The following GALNT14 variants were observed in gnomAD, a reference collection of about 807,000 sequenced individuals.
GALNT14 encodes the protein UDP-GalNAc:polypeptide N-acetylgalactosaminyltransferase 14.
Under a neutral mutation model 77.5 loss-of-function variants are expected in GALNT14, and 60 were observed. The ratio of observed to expected loss-of-function variants is 0.77; its 90% CI spans 0.63 to 0.96. The LOEUF is 0.96. Among genes scored for constraint, GALNT14 ranks in the 40% least tolerant of loss-of-function variants. GALNT14 has a pLI of 0.00. For missense variants in GALNT14, 710 were observed against 731.0 expected, an observed-to-expected ratio of 0.97 and a Z score of 0.33; for synonymous variants, 280 against 281.7, an observed-to-expected ratio of 0.99 and a Z score of 0.06.
the GALNT14 span, among the ~76,000 whole-genome samples, chr2:30,897,668 G>A: frequency 2.6e-5 from 4 of 152,298 alleles, no homozygotes; most frequent in Admixed American, 1.3e-4. Context: ...CACACACTGC[G>A]CATGGCGTAG....
At chr2:30,905,453 G>A in the GALNT14 span, among the ~76,000 whole-genome samples, 22 of 152,222 alleles carry the variant, frequency 1.4e-4, no homozygotes, top group Admixed American at 9.8e-4. Flanking sequence ...CTGGAAGAAA[G>A]GGTATCAGCG....
chr2:30,945,758 GGGA>G, intron 7 of GALNT14, 22 bp downstream of exon 7: 1 of 1,566,642 alleles, frequency 6.4e-7, no homozygotes, highest in Non-Finnish European at 8.8e-7. Context: ...ATCCTTACTG[GGGA>G]GGAGGTGTTA....
rs10562223 is a variant in GALNT14 at position 31,027,886 on chromosome 2, C to CTGTGTG, written c.130-34885_130-34880dup. 5.6e-3 allele frequency among the ~76,000 whole-genome samples: 800 copies of CTGTGTG among 141,860 alleles called. 6 individuals are homozygous for CTGTGTG. The highest frequency in any genetic ancestry group is 0.02 in the African/African-American group (753 of 38,478). The allele number at this position is 141,860 out of a possible 152,430, so 93.1% of individuals were successfully genotyped here. A position where few individuals can be genotyped will look rare whatever the true frequency, so the allele number is the denominator to read the frequency against. Reference sequence around the variant, plus strand: ...TACTCTAAGAGGGCCCAGATGTATTCTGTGTGTGTGTGTGTGTGTGTGTGT... The same window carrying CTGTGTG: ...TACTCTAAGAGGGCCCAGATGTATTCTGTGTGTGTGTGTGTGTGTGTGTGTGTGTGT... On this transcript the variant is annotated intron_variant, in intron 1 of 14. Coordinates refer to ENST00000349752, the MANE Select transcript of GALNT14 (RefSeq NM_024572.4).
chr2:31,037,062 T>C (rs1161576901), intron 1 of GALNT14, among the ~76,000 whole-genome samples: 1 of 152,196 alleles, frequency 6.6e-6, no homozygotes, highest in East Asian at 1.9e-4. Flanking sequence ...CTATTATTTC[T>C]TCAAGCATGT....
chr2:31,007,889 C>T (rs1573145366), intron 1 of GALNT14, among the ~76,000 whole-genome samples: 1 of 152,196 alleles, frequency 6.6e-6, no homozygotes, highest in East Asian at 1.9e-4. Flanking sequence ...ACCCCTTTGC[C>T]TCTGCCTTCC....
the GALNT14 span, among the ~76,000 whole-genome samples, chr2:30,896,144 T>C: frequency 6.6e-6 from 1 of 152,168 alleles, no homozygotes; most frequent in Admixed American, 6.5e-5. Flanking sequence ...TGGCATGTAA[T>C]AGCAGCTCAC....
the GALNT14 span, among the ~76,000 whole-genome samples, chr2:30,904,902 C>A: frequency 8.1e-3 from 1,223 of 151,922 alleles, 27 homozygotes; most frequent in African/African-American, 0.028. Context: ...GGTCCCTGAC[C>A]CCTGACCCCT....
At chr2:31,068,887 A>T (rs1675163433) in intron 1 of GALNT14, among the ~76,000 whole-genome samples, 1 of 152,238 alleles carries the variant, frequency 6.6e-6, no homozygotes. Context: ...TAAATGAAAG[A>T]GGCCAGCCGC....
chr2:31,116,759 AT>A (rs527715584), intron 1 of GALNT14, among the ~76,000 whole-genome samples: 2,215 of 152,262 alleles, frequency 0.015, 50 homozygotes, highest in African/African-American at 0.051. Flanking sequence ...AATAAAGAAT[AT>A]TTGGCCAGGC....
intron 1 of GALNT14, among the ~76,000 whole-genome samples, chr2:31,106,187 CA>C (rs1481767940): frequency 6.6e-6 from 1 of 152,172 alleles, no homozygotes; most frequent in African/African-American, 2.4e-5. Context: ...GCCCAACACC[CA>C]AATTCGTGCT....
At chr2:30,904,409 G>A in the GALNT14 span, among the ~76,000 whole-genome samples, 1 of 152,334 alleles carries the variant, frequency 6.6e-6, no homozygotes, top group Middle Eastern at 3.4e-3. Flanking sequence ...AAGCGCAAGG[G>A]TTCAGGGAGT....
intron 1 of GALNT14, chr2:31,078,831 A>T (rs1420028439): frequency 2.0e-6 from 2 of 1,012,824 alleles, no homozygotes; most frequent in African/African-American, 3.3e-5. Flanking sequence ...GGGGCGAGAT[A>T]TAGGCCTGGG....
chr2:31,083,047 TCTA>T (rs1180259200), intron 1 of GALNT14, among the ~76,000 whole-genome samples: 5 of 151,966 alleles, frequency 3.3e-5, no homozygotes, highest in African/African-American at 9.7e-5. Context: ...AACAAAGAAA[TCTA>T]CTACTATTAA....
chr2:30,953,799 T>G (rs1667188332), intron 6 of GALNT14, among the ~76,000 whole-genome samples: 1 of 152,112 alleles, frequency 6.6e-6, no homozygotes, highest in Non-Finnish European at 1.5e-5. Flanking sequence ...CCAAAATAGG[T>G]GCTCAGGAAA....
chr2:30,950,175 T>C (rs376229759), intron 6 of GALNT14, among the ~76,000 whole-genome samples: 8 of 152,328 alleles, frequency 5.3e-5, no homozygotes, highest in East Asian at 3.9e-4. Context: ...ATGATTTATA[T>C]AAATTTACCA....
chr2:31,103,700 G>T (rs541814237), intron 1 of GALNT14, among the ~76,000 whole-genome samples: 2 of 152,230 alleles, frequency 1.3e-5, no homozygotes, highest in East Asian at 1.9e-4. Flanking sequence ...GGCATTCAGA[G>T]AACTTCCTTT....
At chr2:31,072,300 CACAT>C (rs148904663) in intron 1 of GALNT14, among the ~76,000 whole-genome samples, 1,038 of 41,764 alleles carry the variant, frequency 0.025, 13 homozygotes, top group African/African-American at 0.078. Context: ...CACACACACA[CACAT>C]ACACACACAC....
chr2:30,905,226 G>C, the GALNT14 span, among the ~76,000 whole-genome samples: 1 of 152,214 alleles, frequency 6.6e-6, no homozygotes, highest in African/African-American at 2.4e-5. Flanking sequence ...ACTTTGACGA[G>C]CTGAGAGAAG....
chr2:30,932,038 CCCA>C, intron 10 of GALNT14, 27 bp downstream of exon 10: 2 of 1,469,470 alleles, frequency 1.4e-6, no homozygotes, highest in Middle Eastern at 3.6e-4. Context: ...TGTGCTGCTG[CCCA>C]CCCGCGCTGA....
Sources: allele counts gnomAD v4.1 joint callset (sites outside exome capture counted in the v4.1 genomes callset), GRCh38; gene constraint gnomAD v4.1.1; transcripts MANE v1.5; gene names NCBI Gene and HGNC (gene_info 2026-07-23, HGNC 2026-07-21).